Variants in GABRA3 observed in about 807,000 individuals in gnomAD.
GABRA3 encodes gamma-aminobutyric acid receptor subunit alpha-3.
A neutral mutation model predicts 30.1 loss-of-function variants in GABRA3; 10 were observed. That is an observed-to-expected ratio of 0.33 (90% CI 0.20 to 0.56). The LOEUF is 0.56. Ranked by LOEUF, GABRA3 falls within the 20% of genes least tolerant of loss-of-function variation. The probability of loss-of-function intolerance (pLI) is 0.89; values close to 1 mark genes in which losing one functional copy is unlikely to be tolerated. For missense variants in GABRA3, 233 were observed against 392.0 expected (o/e 0.59, Z 3.42); for synonymous variants, 151 against 146.8 (o/e 1.03, Z -0.21).
intron 3 of GABRA3, among the ~76,000 whole-genome samples, chrX:152,310,101 T>A (rs956282117): frequency 8.9e-6 from 1 of 112,213 alleles, no homozygotes; most frequent in African/African-American, 3.2e-5. Context: ...TAAATATATA[T>A]GCAACCAACA....
rs1271419578 is a variant in GABRA3 at position 152,255,819 on chromosome X, C to G, written c.510G>C (p.Leu170=). The G allele has an allele frequency of 2.5e-6, 3 of 1,211,399 alleles. No homozygotes were observed. In the Admixed American group the frequency reaches 6.5e-5, roughly 26 times the overall value. The change falls in exon 5 of 10, where the codon CTG becomes CTC. Residue 170 remains leucine, a synonymous_variant. Coordinates refer to ENST00000370314, the MANE Select transcript of GABRA3 (RefSeq NM_000808.4). ...GGGTTCCGTTGTCCACCAATCTGAGCAGCTTGTTGGGCGTGGTCATGTTAT... is the reference window on the plus strand; with the variant it reads ...GGGTTCCGTTGTCCACCAATCTGAGGAGCTTGTTGGGCGTGGTCATGTTAT... The part of the protein sequence containing the change: ...VAHNMTTPNK[L]LRLVDNGTLL...
intron 1 of GABRA3, among the ~76,000 whole-genome samples, chrX:152,418,240 T>C (rs751981763): frequency 3.1e-4 from 35 of 111,127 alleles, no homozygotes; most frequent in Non-Finnish European, 3.4e-4. Context: ...ATTGCATTTT[T>C]TGAAATACAT....
rs1448264314 is a variant in GABRA3, at chrX:152,234,450, G to C, written c.552-9605C>G. On this transcript the variant is annotated intron_variant, in intron 5 of 9. Transcript: ENST00000370314. Reference sequence around the variant, plus strand: ...ATTCACTTTTTTGATTATATCTTTTGCTGTGCAAAAGTATTTTTCATTTAA... The same window carrying C: ...ATTCACTTTTTTGATTATATCTTTTCCTGTGCAAAAGTATTTTTCATTTAA... Among the ~76,000 whole-genome samples the C allele has an allele frequency of 2.7e-5, 3 of 110,403 alleles. No individual in the cohort carries two copies. The East Asian group carries it at 8.6e-4, about 32-fold the overall frequency.
chrX:152,284,013 T>C (rs1325985829), intron 4 of GABRA3, among the ~76,000 whole-genome samples: 13 of 111,216 alleles, frequency 1.2e-4, no homozygotes, highest in Non-Finnish European at 2.1e-4. Context: ...TCTATTTGAG[T>C]GAGGCCTTCT....
At position 152,421,098 on chromosome X, in the gene GABRA3, TACACAC is replaced by T. The variant is rs60206606; in HGVS notation, c.-27+30042_-27+30047del. Among the ~76,000 whole-genome samples, 532 of 94,932 alleles carry T rather than the reference TACACAC, an allele frequency of 5.6e-3. 1 individual carries two copies. Among genetic ancestry groups the T allele is most frequent in the South Asian group, 0.012 (22 of 1,849 alleles). 82.4% of individuals were successfully genotyped at this position (94,932 alleles called of 115,157 possible). ...CTAACACACTGATATTTACACATTA[TACACAC>T]ACACACACACACACACACACACACA... On this transcript the variant is annotated intron_variant, in intron 1 of 9. Coordinates refer to ENST00000370314, the MANE Select transcript of GABRA3 (RefSeq NM_000808.4).
In GABRA3 at chrX:152,241,977, C is replaced by T. The variant is rs771289298; in HGVS notation, c.551+13801G>A. On this transcript the variant is annotated intron_variant, in intron 5 of 9. Coordinates refer to ENST00000370314, the MANE Select transcript of GABRA3 (RefSeq NM_000808.4). ...AATCACCCGTCTTCTGCGTCGCTCACGCTGGGAGCTGTAGACCGGAGCTGT... is the reference window on the plus strand; with the variant it reads ...AATCACCCGTCTTCTGCGTCGCTCATGCTGGGAGCTGTAGACCGGAGCTGT... Among the ~76,000 whole-genome samples, 8 of 111,859 alleles carry T rather than the reference C, an allele frequency of 7.2e-5. No individual in the cohort carries two copies. In the East Asian group the frequency reaches 2.0e-3, roughly 28 times the overall value.
At chrX:152,304,788 TG>T (rs201404942) in intron 3 of GABRA3, among the ~76,000 whole-genome samples, 2 of 111,608 alleles carry the variant, frequency 1.8e-5, no homozygotes, top group South Asian at 3.7e-4. Context: ...ACTGTTTTTT[TG>T]TTGTTGTTGT....
intron 3 of GABRA3, among the ~76,000 whole-genome samples, chrX:152,309,191 G>A (rs1249061535): frequency 2.7e-5 from 3 of 111,526 alleles, no homozygotes; most frequent in Non-Finnish European, 5.7e-5. Context: ...GAGGGAGAGA[G>A]AACAATCAAC....
At chrX:152,359,192 T>G (rs748359118) in intron 2 of GABRA3, among the ~76,000 whole-genome samples, 4 of 111,637 alleles carry the variant, frequency 3.6e-5, no homozygotes, top group Non-Finnish European at 5.6e-5. Flanking sequence ...GTTCCTAGAC[T>G]TTTTCGGATT....
At chrX:152,294,596 T>G (rs1939489980) in intron 3 of GABRA3, among the ~76,000 whole-genome samples, 1 of 111,132 alleles carries the variant, frequency 9.0e-6, no homozygotes, top group Non-Finnish European at 1.9e-5. Flanking sequence ...TCAGAGAAGT[T>G]TGTTATTACC....
intron 8 of GABRA3, among the ~76,000 whole-genome samples, chrX:152,194,889 A>G (rs1344104757): frequency 9.0e-6 from 1 of 110,732 alleles, no homozygotes; most frequent in East Asian, 2.8e-4. Flanking sequence ...CCTCCCAAGT[A>G]TCTGGGACCA....
At chrX:152,397,203 C>A (rs1929682736) in intron 1 of GABRA3, among the ~76,000 whole-genome samples, 1 of 111,681 alleles carries the variant, frequency 9.0e-6, no homozygotes, top group Admixed American at 9.5e-5. Flanking sequence ...TAAGAGACGG[C>A]TTGTGAGAAC....
intron 1 of GABRA3, among the ~76,000 whole-genome samples, chrX:152,446,047 T>C (rs1337807110): frequency 2.7e-5 from 3 of 112,086 alleles, no homozygotes; most frequent in African/African-American, 9.7e-5. Context: ...CCTGTGGACA[T>C]GAGCCTGGAG....
intron 5 of GABRA3, among the ~76,000 whole-genome samples, chrX:152,229,423 T>C (rs1374628491): frequency 1.8e-5 from 2 of 111,147 alleles, no homozygotes; most frequent in Admixed American, 9.7e-5. Flanking sequence ...GTTATGACTC[T>C]CATTTTACCA....
intron 4 of GABRA3, among the ~76,000 whole-genome samples, chrX:152,269,414 A>C (rs1403600090): frequency 8.9e-6 from 1 of 112,227 alleles, no homozygotes; most frequent in Non-Finnish European, 1.9e-5. Context: ...ATATTACACA[A>C]AGCAACTTAC....
intron 1 of GABRA3, among the ~76,000 whole-genome samples, chrX:152,377,689 G>A (rs1182531565): frequency 1.8e-5 from 2 of 111,183 alleles, no homozygotes; most frequent in Non-Finnish European, 3.8e-5. Flanking sequence ...AAAAGTAAGA[G>A]AAAATAAATA....
chrX:152,343,912 A>G (rs1940352743), intron 3 of GABRA3, among the ~76,000 whole-genome samples: 3 of 111,936 alleles, frequency 2.7e-5, no homozygotes, highest in African/African-American at 9.7e-5. Flanking sequence ...ATCAGTGTAA[A>G]CTTATTGCCA....
At chrX:152,361,742 A>C (rs1188297416) in intron 2 of GABRA3, among the ~76,000 whole-genome samples, 1 of 110,269 alleles carries the variant, frequency 9.1e-6, no homozygotes, top group Non-Finnish European at 1.9e-5. Flanking sequence ...TCAGCCACCC[A>C]AGTAGCTGGG....
At chrX:152,221,936 A>G (rs975605229) in intron 6 of GABRA3, among the ~76,000 whole-genome samples, 10 of 111,545 alleles carry the variant, frequency 9.0e-5, no homozygotes, top group African/African-American at 3.3e-4. Context: ...TGTTCTCATC[A>G]TTTAGCGCCT....
Sources: gnomAD v4.1 joint callset for allele counts (sites outside exome capture counted in the v4.1 genomes callset) on GRCh38, gnomAD v4.1.1 for gene constraint, MANE v1.5 for transcripts, NCBI Gene and HGNC (gene_info 2026-07-23, HGNC 2026-07-21) for gene names.